Variants in GLIPR1L2 observed in about 807,000 individuals in gnomAD.
The protein encoded by GLIPR1L2 is GLIPR1 like 2.
In GLIPR1L2, 21 loss-of-function variants were observed where a neutral mutation model predicts 28.4. That is an observed-to-expected ratio of 0.74 (90% CI 0.52 to 1.06). GLIPR1L2 has a LOEUF of 1.06. GLIPR1L2 is among the 50% of genes least tolerant of loss of function. The pLI is 0.00. For missense variants in GLIPR1L2, 476 were observed against 416.9 expected (o/e 1.14, Z -1.23); for synonymous variants, 145 against 139.3 (o/e 1.04, Z -0.29).
intron 2 of GLIPR1L2, among the ~76,000 whole-genome samples, chr12:75,412,801 T>A (rs2139946533): frequency 1.3e-5 from 2 of 152,116 alleles, no homozygotes; most frequent in African/African-American, 4.8e-5. Flanking sequence ...TCCTCAGGGA[T>A]CTAGAACTAG....
chr12:75,431,785 C>A lies in GLIPR1L2; in HGVS notation c.*624C>A, dbSNP rs1441620907. 1 of 151,852 alleles carries A rather than the reference C, an allele frequency of 6.6e-6. No individual in the cohort carries two copies. The highest frequency in any genetic ancestry group is 1.5e-5 in the Non-Finnish European group (1 of 67,912). 9.4% of individuals were successfully genotyped at this position (151,852 alleles called of 1,614,324 possible). A position where few individuals can be genotyped will look rare whatever the true frequency, so the allele number is the denominator to read the frequency against. ...AAAGACTTGCTGTAATTTTCTGCCA[C>A]CAAGGGCTAATAAATGCCATAATTT... On this transcript the variant is annotated 3_prime_UTR_variant, in exon 6 of 6. Coordinates refer to ENST00000550916, the MANE Select transcript of GLIPR1L2 (RefSeq NM_001270396.2).
chr12:75,396,752 A>G (rs993558592), intron 1 of GLIPR1L2, among the ~76,000 whole-genome samples: 16 of 152,300 alleles, frequency 1.1e-4, no homozygotes, highest in Non-Finnish European at 1.6e-4. Flanking sequence ...CCTGGTTTTG[A>G]AACCCAGTAC....
intron 1 of GLIPR1L2, among the ~76,000 whole-genome samples, chr12:75,407,080 T>C (rs1250838241): frequency 1.3e-5 from 2 of 152,092 alleles, no homozygotes; most frequent in East Asian, 3.9e-4. Flanking sequence ...TCAGCAAGAA[T>C]CCTGTTAGAT....
chr12:75,425,699 A>G (rs2046027538), intron 4 of GLIPR1L2, among the ~76,000 whole-genome samples: 1 of 152,228 alleles, frequency 6.6e-6, no homozygotes, highest in Non-Finnish European at 1.5e-5. Context: ...TTTATTTGCT[A>G]AATCTCAGTG....
chr12:75,408,770 A>G (rs932433605), intron 1 of GLIPR1L2, among the ~76,000 whole-genome samples: 47 of 152,056 alleles, frequency 3.1e-4, no homozygotes, highest in African/African-American at 1.1e-3. Context: ...AATATTATAT[A>G]TGATATGATC....
rs912600460 is a variant in GLIPR1L2 at position 75,413,780 on chromosome 12, T to G, written c.584+79T>G. 6.4e-6 allele frequency: 4 copies of G among 626,094 alleles called. No homozygotes were observed. In the East Asian group the frequency reaches 1.3e-4, roughly 21 times the overall value. The allele number at this position is 626,094 out of a possible 1,614,324, so 38.8% of individuals were successfully genotyped here. A position where few individuals can be genotyped will look rare whatever the true frequency, so the allele number is the denominator to read the frequency against. On this transcript the variant is annotated intron_variant, in intron 3 of 5. Coordinates refer to ENST00000550916, the MANE Select transcript of GLIPR1L2 (RefSeq NM_001270396.2). ...AGTTTTTCTAACTTTTAATATATTT[T>G]TATAAGTGTTTTTGAACTATAAAAT...
At chr12:75,403,133 T>C (rs938379477) in intron 1 of GLIPR1L2, 8 of 456,758 alleles carry the variant, frequency 1.8e-5, no homozygotes, top group Non-Finnish European at 2.2e-5. Flanking sequence ...GAATGATTGA[T>C]TGGGGATCCA....
chr12:75,391,726 C>T (rs2045606161), intron 1 of GLIPR1L2, among the ~76,000 whole-genome samples: 1 of 152,074 alleles, frequency 6.6e-6, no homozygotes, highest in Non-Finnish European at 1.5e-5. Flanking sequence ...AGACAGGTTC[C>T]TTGGGTCTGG....
At chr12:75,426,772 A>T (rs1042894212) in intron 4 of GLIPR1L2, among the ~76,000 whole-genome samples, 1 of 152,242 alleles carries the variant, frequency 6.6e-6, no homozygotes, top group African/African-American at 2.4e-5. Context: ...AATGATGCCT[A>T]TATACCCTTA....
chr12:75,409,773 TATCTA>T (rs2045845269), intron 1 of GLIPR1L2, among the ~76,000 whole-genome samples: 1 of 146,562 alleles, frequency 6.8e-6, no homozygotes, highest in East Asian at 2.0e-4. Flanking sequence ...ATAAGATGTA[TATCTA>T]ATCTGATATA....
At chr12:75,398,199 G>A (rs147969260) in intron 1 of GLIPR1L2, among the ~76,000 whole-genome samples, 49 of 151,782 alleles carry the variant, frequency 3.2e-4, no homozygotes, top group African/African-American at 1.1e-3. Context: ...CGTTGTGGCA[G>A]GCGCCTGTAA....
In GLIPR1L2 at chr12:75,423,404, AT is replaced by A. The variant is rs979208103; in HGVS notation, c.670+416del. ...TCCTCCAAAAAGCTGAAATCTCCAA[AT>A]ATTTCAAAAGTAAAAAGTAGAAAAT... On this transcript the variant is annotated intron_variant, in intron 4 of 5. Coordinates refer to ENST00000550916, the MANE Select transcript of GLIPR1L2 (RefSeq NM_001270396.2). The A allele has an allele frequency of 6.2e-6, 6 of 968,852 alleles. No individual in the cohort carries two copies. The African/African-American group carries it at 1.0e-4, about 17-fold the overall frequency. 60.0% of individuals were successfully genotyped at this position (968,852 alleles called of 1,614,324 possible).
intron 1 of GLIPR1L2, among the ~76,000 whole-genome samples, chr12:75,401,642 A>T (rs915192335): frequency 6.6e-6 from 1 of 152,042 alleles, no homozygotes; most frequent in Non-Finnish European, 1.5e-5. Context: ...CATAAAGAAA[A>T]ACTTAAGTAG....
intron 4 of GLIPR1L2, chr12:75,423,583 A>G (rs2046001351): frequency 1.8e-6 from 1 of 567,248 alleles, no homozygotes; most frequent in Non-Finnish European, 2.2e-6. Context: ...TTTTTTAATT[A>G]TTATACTTTA....
At chr12:75,423,209 A>G in intron 4 of GLIPR1L2, 1 of 1,376,800 alleles carries the variant, frequency 7.3e-7, no homozygotes, top group Non-Finnish European at 9.3e-7. Flanking sequence ...TCCCCTGAGG[A>G]CATACCAGAG....
intron 1 of GLIPR1L2, among the ~76,000 whole-genome samples, chr12:75,400,478 C>T (rs1057133091): frequency 3.3e-5 from 5 of 152,066 alleles, no homozygotes; most frequent in Admixed American, 2.0e-4. Flanking sequence ...AAGCAAGGTA[C>T]ATTATGATAC....
At chr12:75,430,348 G>C (rs986524930) in intron 4 of GLIPR1L2, among the ~76,000 whole-genome samples, 1 of 152,196 alleles carries the variant, frequency 6.6e-6, no homozygotes, top group Non-Finnish European at 1.5e-5. Context: ...AGATTAATTA[G>C]GAGTTATCTG....
intron 1 of GLIPR1L2, among the ~76,000 whole-genome samples, chr12:75,401,860 C>A (rs1378469685): frequency 6.6e-6 from 1 of 151,934 alleles, no homozygotes; most frequent in Non-Finnish European, 1.5e-5. Context: ...CTGTAAATGT[C>A]ATTTTACAGA....
At chr12:75,417,880 T>C (rs2045938516) in intron 3 of GLIPR1L2, among the ~76,000 whole-genome samples, 1 of 152,072 alleles carries the variant, frequency 6.6e-6, no homozygotes, top group East Asian at 1.9e-4. Flanking sequence ...AATAAAACAA[T>C]ATTAATTCGA....
Sources: gnomAD v4.1 joint callset for allele counts (sites outside exome capture counted in the v4.1 genomes callset) on GRCh38, gnomAD v4.1.1 for gene constraint, MANE v1.5 for transcripts, NCBI Gene and HGNC (gene_info 2026-07-23, HGNC 2026-07-21) for gene names.